Variants in ADAMTS20 observed in about 807,000 individuals in gnomAD.
The protein encoded by ADAMTS20 is ADAM metallopeptidase with thrombospondin type 1 motif 20, also known as A disintegrin and metalloproteinase with thrombospondin motifs 20.
ADAMTS20 carries 225 observed loss-of-function variants against 260.1 expected under a neutral mutation model. That is an observed-to-expected ratio of 0.87 (90% confidence interval 0.78 to 0.97). ADAMTS20 has a LOEUF of 0.97. Among genes scored for constraint, ADAMTS20 ranks in the 50% least tolerant of loss-of-function variants. ADAMTS20 has a pLI of 0.00. For synonymous variants in ADAMTS20, 802 were observed against 769.5 expected (o/e 1.04, Z -0.70); for missense variants, 2,400 against 2,337.7 (o/e 1.03, Z -0.55).
chr12:43,386,103 A>C (rs987895844), intron 29 of ADAMTS20, among the ~76,000 whole-genome samples: 1 of 152,112 alleles, frequency 6.6e-6, no homozygotes, highest in Non-Finnish European at 1.5e-5. Context: ...TCAAAAAAAC[A>C]GGTCCTGGAT....
intron 3 of ADAMTS20, among the ~76,000 whole-genome samples, chr12:43,512,666 G>A (rs775266981): frequency 1.8e-4 from 27 of 152,126 alleles, no homozygotes; most frequent in Non-Finnish European, 2.6e-4. Flanking sequence ...GAACTTGCCA[G>A]TGGCCAGCTG....
In ADAMTS20 at chr12:43,391,534, C is replaced by T. The variant is rs116175510; in HGVS notation, c.4452+7532G>A. Reference sequence around the variant, plus strand: ...TTAACTACAAGAGCTGTGATGCCAACGTTAAAAAAGTGTAGAGTATGTCTA... The same window carrying T: ...TTAACTACAAGAGCTGTGATGCCAATGTTAAAAAAGTGTAGAGTATGTCTA... On this transcript the variant is annotated intron_variant, in intron 29 of 38. Coordinates refer to ENST00000389420, the MANE Select transcript of ADAMTS20 (RefSeq NM_025003.5). 3.9e-3 allele frequency among the ~76,000 whole-genome samples: 592 copies of T among 152,168 alleles called. 1 individual carries two copies. Among genetic ancestry groups the T allele is most frequent in the African/African-American group, 0.013 (552 of 41,522 alleles).
At chr12:43,487,581 TA>T (rs61685764) in intron 7 of ADAMTS20, among the ~76,000 whole-genome samples, 49,427 of 151,834 alleles carry the variant, frequency 0.33, 8,669 homozygotes, top group East Asian at 0.75. Flanking sequence ...ACTATTGAAA[TA>T]AAAAAATTAA....
At chr12:43,431,962 C>T (rs7297145) in intron 21 of ADAMTS20, among the ~76,000 whole-genome samples, 48,358 of 151,288 alleles carry the variant, frequency 0.32, 8,323 homozygotes, top group East Asian at 0.75. Flanking sequence ...CATTGATACT[C>T]CACGTCCCAG....
intron 2 of ADAMTS20, among the ~76,000 whole-genome samples, chr12:43,548,164 T>C (rs951337726): frequency 6.6e-6 from 1 of 152,152 alleles, no homozygotes. Context: ...CATCCATTCA[T>C]GATTAAAAGC....
At chr12:43,479,358 T>C (rs1407245363) in intron 7 of ADAMTS20, among the ~76,000 whole-genome samples, 1 of 152,164 alleles carries the variant, frequency 6.6e-6, no homozygotes, top group Non-Finnish European at 1.5e-5. Context: ...TTTGATTTAA[T>C]AGACAAATAC....
chr12:43,523,954 G>A (rs564253461), intron 3 of ADAMTS20, among the ~76,000 whole-genome samples: 1 of 151,534 alleles, frequency 6.6e-6, no homozygotes, highest in East Asian at 2.0e-4. Flanking sequence ...AGAAACCAGA[G>A]TACCTCCCCT....
At chr12:43,372,351 A>C (rs1489345195) in intron 36 of ADAMTS20, among the ~76,000 whole-genome samples, 1 of 152,196 alleles carries the variant, frequency 6.6e-6, no homozygotes, top group Non-Finnish European at 1.5e-5. Context: ...AATGCTGCTG[A>C]TGCATCATGT....
At chr12:43,432,264 C>A in intron 21 of ADAMTS20, 40 bp downstream of exon 21, 2 of 1,577,462 alleles carry the variant, frequency 1.3e-6, no homozygotes, top group Non-Finnish European at 1.7e-6. Context: ...TTTACTAACA[C>A]AATATTTTAA....
At position 43,551,425 on chromosome 12, in the gene ADAMTS20, A is replaced by C. The variant is rs996810841; in HGVS notation, c.92-155T>G. 3.3e-5 allele frequency among the ~76,000 whole-genome samples: 5 copies of C among 151,960 alleles called. No homozygotes were observed. Among genetic ancestry groups the C allele is most frequent in the African/African-American group, 1.2e-4 (5 of 41,368 alleles). Reference sequence around the variant, plus strand: ...CATGCTGATGCGCACGCACACACACACACGTGCACTGGGACGGTTAGTGCT... The same window carrying C: ...CATGCTGATGCGCACGCACACACACCCACGTGCACTGGGACGGTTAGTGCT... On this transcript the variant is annotated intron_variant, in intron 1 of 38. Coordinates refer to ENST00000389420, the MANE Select transcript of ADAMTS20 (RefSeq NM_025003.5). This position sits in a 1 kb window ranked among gnomAD's most constrained non-coding sequence, Gnocchi z 4.6.
At chr12:43,396,139 G>A (rs993583362) in intron 29 of ADAMTS20, among the ~76,000 whole-genome samples, 8 of 151,714 alleles carry the variant, frequency 5.3e-5, no homozygotes, top group East Asian at 1.9e-4. Flanking sequence ...GAGGACAAAC[G>A]GCCCTGTATA....
downstream of ADAMTS20, among the ~76,000 whole-genome samples, chr12:43,353,327 T>C (rs964245953): frequency 2.0e-4 from 30 of 152,068 alleles, no homozygotes; most frequent in African/African-American, 7.0e-4. Flanking sequence ...CAAAATAAGA[T>C]CTTCAAAATT....
chr12:43,507,531 G>A (rs965916323), intron 3 of ADAMTS20, among the ~76,000 whole-genome samples: 4 of 152,048 alleles, frequency 2.6e-5, no homozygotes, highest in Admixed American at 6.6e-5. Context: ...TGTTAATATC[G>A]CACTGCCTGC....
At chr12:43,468,800 A>G in intron 7 of ADAMTS20, 95 bp from the exon 8 acceptor site, 1 of 693,326 alleles carries the variant, frequency 1.4e-6, no homozygotes, top group South Asian at 1.9e-5. Flanking sequence ...TGATGTTATT[A>G]CTTAGAAAAG....
In ADAMTS20 at chr12:43,356,327, T is replaced by C. The variant is rs139712190; in HGVS notation, c.5643+157A>G. 1.6e-4 allele frequency among the ~76,000 whole-genome samples: 25 copies of C among 152,354 alleles called. 1 individual carries two copies. Among genetic ancestry groups the C allele is most frequent in the African/African-American group, 5.3e-4 (22 of 41,588 alleles). On this transcript the variant is annotated intron_variant, in intron 38 of 38. Coordinates refer to ENST00000389420, the MANE Select transcript of ADAMTS20 (RefSeq NM_025003.5). Reference sequence around the variant, plus strand: ...AATGAATCCTGTTTCATTTCATAAATTAATGTTGTGCTCCATTATATGTAA... The same window carrying C: ...AATGAATCCTGTTTCATTTCATAAACTAATGTTGTGCTCCATTATATGTAA...
chr12:43,541,185 A>G (rs1943371850), intron 2 of ADAMTS20, among the ~76,000 whole-genome samples: 1 of 152,172 alleles, frequency 6.6e-6, no homozygotes, highest in South Asian at 2.1e-4. Context: ...AGTGTTGACT[A>G]AAATACTTAG....
At position 43,539,788 on chromosome 12, in the gene ADAMTS20, A is replaced by G. The variant is rs1378121846; in HGVS notation, c.454-7593T>C. On this transcript the variant is annotated intron_variant, in intron 2 of 38. Transcript: ENST00000389420. The stretch of plus-strand genomic sequence containing the variant: ...TTGACAAAATATACTAATAGACATA[A>G]GGCAGCTTGTTTACTCAACTAACTG... Among the ~76,000 whole-genome samples, 2 of 152,224 alleles carry G rather than the reference A, an allele frequency of 1.3e-5. 1 individual carries two copies. The highest frequency in any genetic ancestry group is 2.9e-5 in the Non-Finnish European group (2 of 68,040).
Position 43,550,569 on chromosome 12 carries a change from G to T in ADAMTS20, c.453+340C>A, listed in dbSNP as rs558825230. Among the ~76,000 whole-genome samples, 4 of 152,178 alleles carry T rather than the reference G, an allele frequency of 2.6e-5. No individual in the cohort carries two copies. The South Asian group carries it at 8.3e-4, about 32-fold the overall frequency. ...TCTGCCTCAATAGGACCACGAAAGG[G>T]TACATCTGAGTCAAACAGCCTGCCC... On this transcript the variant is annotated intron_variant, in intron 2 of 38. Coordinates refer to ENST00000389420, the MANE Select transcript of ADAMTS20 (RefSeq NM_025003.5).
chr12:43,449,980 T>C (rs1941835148), intron 14 of ADAMTS20, among the ~76,000 whole-genome samples: 1 of 152,152 alleles, frequency 6.6e-6, no homozygotes, highest in African/African-American at 2.4e-5. Flanking sequence ...AAACCACTCT[T>C]AAAAGAAATG....
Sources: allele counts gnomAD v4.1 joint callset (sites outside exome capture counted in the v4.1 genomes callset), GRCh38; gene constraint gnomAD v4.1.1; non-coding constraint Gnocchi (gnomAD v3.1); transcripts MANE v1.5; gene names NCBI Gene and HGNC (gene_info 2026-07-23, HGNC 2026-07-21).